NBEA: variants seen among roughly 807,000 people sequenced by gnomAD.
The protein encoded by NBEA is lysosomal-trafficking regulator 2.
A neutral mutation model predicts 343.4 loss-of-function variants in NBEA; 44 were observed. The ratio of observed to expected loss-of-function variants is 0.13; its 90% confidence interval spans 0.10 to 0.16. The LOEUF (loss-of-function observed/expected upper bound fraction) is 0.16, where lower values mean the gene tolerates loss of function less well. NBEA is among the 10% of genes least tolerant of loss of function. The probability of loss-of-function intolerance (pLI) is 1.00; values close to 1 mark genes in which losing one functional copy is unlikely to be tolerated. For synonymous variants in NBEA, 1,175 were observed against 1,238.7 expected (o/e 0.95, Z 1.08); for missense variants, 2,555 against 3,631.3 (o/e 0.70, Z 7.62).
At chr13:35,442,063 T>G (rs1366426084) in intron 39 of NBEA, among the ~76,000 whole-genome samples, 1 of 152,118 alleles carries the variant, frequency 6.6e-6, no homozygotes, top group African/African-American at 2.4e-5. Context: ...TTCCTTGCTT[T>G]CTTTCAGAAA....
chr13:35,192,271 C>G (rs183369508), intron 30 of NBEA, among the ~76,000 whole-genome samples: 2 of 151,910 alleles, frequency 1.3e-5, no homozygotes, highest in Non-Finnish European at 2.9e-5. Context: ...TCTGGAAACA[C>G]GAGTTATCTA....
chr13:35,138,524 A>G (rs748890061), intron 17 of NBEA, among the ~76,000 whole-genome samples: 7 of 151,030 alleles, frequency 4.6e-5, no homozygotes, highest in African/African-American at 4.9e-5. Context: ...CAATGATGCA[A>G]TCTCCACCCA....
intron 1 of NBEA, among the ~76,000 whole-genome samples, chr13:34,983,909 T>C (rs931578751): frequency 1.2e-4 from 19 of 152,234 alleles, no homozygotes; most frequent in South Asian, 2.1e-4. Flanking sequence ...TTGTAGATTG[T>C]GGATATAAGG....
intron 38 of NBEA, among the ~76,000 whole-genome samples, chr13:35,407,339 A>T (rs2043323882): frequency 6.6e-6 from 1 of 152,024 alleles, no homozygotes; most frequent in Non-Finnish European, 1.5e-5. Context: ...TCCTTCAGAT[A>T]CCAGAAAATT....
intron 1 of NBEA, among the ~76,000 whole-genome samples, chr13:35,011,295 G>A (rs555059101): frequency 1.3e-5 from 2 of 152,174 alleles, no homozygotes. Context: ...AAATGGAAAA[G>A]GAAATAGATC....
At chr13:35,510,564 T>C (rs1176133000) in intron 41 of NBEA, among the ~76,000 whole-genome samples, 1 of 152,176 alleles carries the variant, frequency 6.6e-6, no homozygotes, top group Non-Finnish European at 1.5e-5. Flanking sequence ...CCAGATTTTT[T>C]ACCGTATTAC....
chr13:35,584,504 C>CT (rs56397549), intron 46 of NBEA, among the ~76,000 whole-genome samples: 18,507 of 143,610 alleles, frequency 0.13, 1,293 homozygotes, highest in East Asian at 0.27. Flanking sequence ...TATTTCTCTT[C>CT]TTTTTTTTTT....
chr13:35,139,758 T>TTG (rs2067980925), intron 17 of NBEA, among the ~76,000 whole-genome samples: 2 of 141,592 alleles, frequency 1.4e-5, no homozygotes, highest in South Asian at 4.6e-4. Flanking sequence ...TTTTTTTTTT[T>TTG]TTTTTTTTTT....
chr13:35,210,780 A>T (rs933929231), intron 32 of NBEA, among the ~76,000 whole-genome samples: 4 of 151,894 alleles, frequency 2.6e-5, no homozygotes, highest in Non-Finnish European at 5.9e-5. Context: ...TTATCGAAAA[A>T]TTTTTTCATT....
In NBEA at chr13:35,035,160, A is replaced by G. The variant is rs192319947; in HGVS notation, c.295-5773A>G. On this transcript the variant is annotated intron_variant, in intron 1 of 58. Coordinates refer to ENST00000379939, the MANE Select transcript of NBEA (RefSeq NM_001385012.1). ...TCTTTTTTGATATTGGCACTTATAA[A>G]CATCCCTCTTAGTACTGCTTTTGTT... Among the ~76,000 whole-genome samples the G allele has an allele frequency of 2.0e-4, 30 of 151,732 alleles. No homozygotes were observed. The East Asian group carries it at 5.6e-3, about 28-fold the overall frequency.
intron 55 of NBEA, among the ~76,000 whole-genome samples, chr13:35,662,616 C>G (rs922960480): frequency 5.3e-5 from 8 of 152,098 alleles, no homozygotes; most frequent in East Asian, 3.9e-4. Flanking sequence ...AAAAATACCC[C>G]CTAATAGTTA....
rs368490067 is a variant in NBEA, at chr13:35,452,189, T to C, written c.6402T>C (p.Asp2134=). The C allele has an allele frequency of 6.2e-6, 10 of 1,604,094 alleles. No individual in the cohort carries two copies. Among genetic ancestry groups the C allele is most frequent in the African/African-American group, 2.7e-5 (2 of 74,716 alleles). The part of the protein sequence containing the change: ...AETELMLEGD[D]DAVSLLQEKE... ...CAGAACTTATGCTGGAAGGAGACGA[T>C]GATGCAGTCAGTCTGCTACAGGAGA... The change falls in exon 40 of 59, where the codon GAT becomes GAC. Residue 2134 remains aspartate, a synonymous_variant. Transcript: ENST00000379939.
intron 36 of NBEA, among the ~76,000 whole-genome samples, chr13:35,342,025 T>C (rs778315644): frequency 6.6e-6 from 1 of 152,070 alleles, no homozygotes; most frequent in Non-Finnish European, 1.5e-5. Context: ...TGGGATATTG[T>C]TCACCAATAA....
intron 35 of NBEA, among the ~76,000 whole-genome samples, chr13:35,296,737 G>C (rs970568986): frequency 8.6e-5 from 13 of 151,796 alleles, no homozygotes; most frequent in Non-Finnish European, 1.6e-4. Context: ...GAAAAATAGT[G>C]AAAACTATAT....
At chr13:35,439,375 G>A (rs910249953) in intron 39 of NBEA, among the ~76,000 whole-genome samples, 4 of 152,122 alleles carry the variant, frequency 2.6e-5, no homozygotes, top group Admixed American at 6.5e-5. Context: ...AGTAGGCTTC[G>A]TACAAGTAAA....
At chr13:35,409,811 C>T (rs1345310218) in intron 38 of NBEA, among the ~76,000 whole-genome samples, 1 of 151,520 alleles carries the variant, frequency 6.6e-6, no homozygotes, top group Non-Finnish European at 1.5e-5. Flanking sequence ...AGTAGTAGCT[C>T]AGTAAAAGAA....
At chr13:35,443,749 T>C (rs2045858249) in intron 39 of NBEA, among the ~76,000 whole-genome samples, 1 of 151,970 alleles carries the variant, frequency 6.6e-6, no homozygotes, top group Non-Finnish European at 1.5e-5. Flanking sequence ...GAGAAAATGC[T>C]TGAGATTTCT....
At chr13:35,646,109 A>T (rs1405984857) in intron 50 of NBEA, 150 bp from the exon 51 acceptor site, 1 of 704,034 alleles carries the variant, frequency 1.4e-6, no homozygotes, top group Admixed American at 2.8e-5. Context: ...TAACACTTGG[A>T]TGATTCTGCA....
intron 41 of NBEA, among the ~76,000 whole-genome samples, chr13:35,522,497 A>G (rs1263797245): frequency 7.0e-6 from 1 of 142,332 alleles, no homozygotes; most frequent in Non-Finnish European, 1.5e-5. Flanking sequence ...AAAAAAAAAA[A>G]AAAAAAAAAT....
Sources: allele counts gnomAD v4.1 joint callset (sites outside exome capture counted in the v4.1 genomes callset), GRCh38; gene constraint gnomAD v4.1.1; transcripts MANE v1.5; gene names NCBI Gene and HGNC (gene_info 2026-07-23, HGNC 2026-07-21).